DNER: variants seen among roughly 807,000 people sequenced by gnomAD.
DNER encodes the protein delta/notch like EGF repeat containing.
Under a neutral mutation model 78.2 loss-of-function variants are expected in DNER, and 33 were observed. That is an observed-to-expected ratio of 0.42 (90% CI 0.32 to 0.56). The LOEUF (loss-of-function observed/expected upper bound fraction) is 0.56. Among genes scored for constraint, DNER ranks in the 20% least tolerant of loss-of-function variants. The pLI, the probability that DNER is intolerant of heterozygous loss-of-function variation, is 0.11. For synonymous variants in DNER, 417 were observed against 384.8 expected, an observed-to-expected ratio of 1.08 and a Z score of -0.98; for missense variants, 918 against 975.3, an observed-to-expected ratio of 0.94 and a Z score of 0.78.
chr2:229,587,550 G>A (rs1697525885), intron 3 of DNER, among the ~76,000 whole-genome samples: 1 of 152,206 alleles, frequency 6.6e-6, no homozygotes, highest in South Asian at 2.1e-4. Flanking sequence ...GTGCCCGCAG[G>A]CCCCTTAAAA....
intron 6 of DNER, among the ~76,000 whole-genome samples, chr2:229,479,363 C>T (rs1310922989): frequency 6.6e-6 from 1 of 152,056 alleles, no homozygotes; most frequent in East Asian, 1.9e-4. Flanking sequence ...GGGAAAATAA[C>T]AGAAAATAAT....
At chr2:229,423,190 A>G (rs1693803113) in intron 8 of DNER, among the ~76,000 whole-genome samples, 1 of 152,200 alleles carries the variant, frequency 6.6e-6, no homozygotes. Context: ...TTCCTGCACA[A>G]CAAAGAATGC....
At chr2:229,492,776 C>T (rs924288127) in intron 6 of DNER, among the ~76,000 whole-genome samples, 1 of 152,180 alleles carries the variant, frequency 6.6e-6, no homozygotes, top group Non-Finnish European at 1.5e-5. Context: ...TCAAGCTAAC[C>T]TCCTGCGGCA....
chr2:229,539,325 G>A (rs1696469096), intron 5 of DNER, among the ~76,000 whole-genome samples: 1 of 152,134 alleles, frequency 6.6e-6, no homozygotes, highest in African/African-American at 2.4e-5. Context: ...AATCTGAAGG[G>A]GAGTTCACTG....
chr2:229,411,014 G>A (rs1046275297), intron 9 of DNER, among the ~76,000 whole-genome samples: 9 of 152,096 alleles, frequency 5.9e-5, no homozygotes, highest in Non-Finnish European at 8.8e-5. Context: ...TGACATCTCA[G>A]CCTTAGCCTC....
intron 9 of DNER, among the ~76,000 whole-genome samples, chr2:229,410,867 G>A (rs922435460): frequency 1.3e-5 from 2 of 152,204 alleles, no homozygotes; most frequent in African/African-American, 4.8e-5. Context: ...AGCCAGTAAA[G>A]AAGTGTTATT....
chr2:229,636,882 C>G (rs1698539850), intron 1 of DNER, among the ~76,000 whole-genome samples: 1 of 152,128 alleles, frequency 6.6e-6, no homozygotes, highest in South Asian at 2.1e-4. Flanking sequence ...TCCCACTGAC[C>G]AGAATGAAAC....
rs60981956 is a variant in DNER at position 229,415,335 on chromosome 2, C to T, written c.1609+2773G>A. Among the ~76,000 whole-genome samples, 808 of 152,312 alleles carry T rather than the reference C, an allele frequency of 5.3e-3. 10 individuals are homozygous for T. Among genetic ancestry groups the T allele is most frequent in the African/African-American group, 0.018 (764 of 41,570 alleles). On this transcript the variant is annotated intron_variant, in intron 9 of 12. Coordinates refer to ENST00000341772, the MANE Select transcript of DNER (RefSeq NM_139072.4). Reference sequence around the variant, plus strand: ...AGCTGATTTCTCACTATTCAAGCCTCAGATGAGAGCTCAGTCAGTCAATAC... The same window carrying T: ...AGCTGATTTCTCACTATTCAAGCCTTAGATGAGAGCTCAGTCAGTCAATAC...
Position 229,714,522 on chromosome 2 carries a change from G to A in DNER, c.-99C>T. 1 of 1,054,178 alleles carries A rather than the reference G, an allele frequency of 9.5e-7. No individual in the cohort carries two copies. The allele number at this position is 1,054,178 out of a possible 1,614,324, so 65.3% of individuals were successfully genotyped here. The stretch of plus-strand genomic sequence containing the variant: ...CTGCGAGAGCGACGGTGGCGGCTAG[G>A]GCTGCTCCGCCGGGCCGGGCGCCTC... On this transcript the variant is annotated 5_prime_UTR_variant, in exon 1 of 13. Coordinates refer to ENST00000341772, the MANE Select transcript of DNER (RefSeq NM_139072.4).
At chr2:229,484,681 C>A (rs1695234196) in intron 6 of DNER, among the ~76,000 whole-genome samples, 1 of 152,104 alleles carries the variant, frequency 6.6e-6, no homozygotes, top group African/African-American at 2.4e-5. Flanking sequence ...TGACTGGCAT[C>A]TAGTAGGTAG....
At chr2:229,566,601 A>G (rs1450524998) in intron 4 of DNER, among the ~76,000 whole-genome samples, 1 of 152,116 alleles carries the variant, frequency 6.6e-6, no homozygotes, top group Non-Finnish European at 1.5e-5. Flanking sequence ...CTCAGGCCTC[A>G]AGAAGCTCTC....
At chr2:229,403,578 G>C (rs1693315362) in intron 10 of DNER, among the ~76,000 whole-genome samples, 1 of 152,100 alleles carries the variant, frequency 6.6e-6, no homozygotes, top group Admixed American at 6.6e-5. Flanking sequence ...TCCTCTGTAG[G>C]CTGAAAAACT....
At chr2:229,658,987 G>A (rs1313014129) in intron 1 of DNER, among the ~76,000 whole-genome samples, 1 of 152,054 alleles carries the variant, frequency 6.6e-6, no homozygotes, top group Non-Finnish European at 1.5e-5. Context: ...AACGTATCAC[G>A]TCTCTACATC....
Position 229,585,917 on chromosome 2 carries a change from G to C in DNER, c.788C>G (p.Ala263Gly). Residue 263 changes from alanine (A) to glycine (G), a missense_variant, in exon 4 of 13, where the codon GCT becomes GGT. Ala to Gly is a moderately conservative substitution (Grantham distance 60). Coordinates refer to ENST00000341772, the MANE Select transcript of DNER (RefSeq NM_139072.4). ...IDGRSVTPLQASGGLVLLEEM... is the reference protein window; with the variant it reads ...IDGRSVTPLQGSGGLVLLEEM... ...CTCCAGGAGGACCAGTCCCCCTGAAGCCTGAAGGGGGGTCACACTTCGTCC... is the reference window on the plus strand; with the variant it reads ...CTCCAGGAGGACCAGTCCCCCTGAACCCTGAAGGGGGGTCACACTTCGTCC... 1.2e-6 allele frequency: 2 copies of C among 1,614,116 alleles called. No individual in the cohort carries two copies. Among genetic ancestry groups the C allele is most frequent in the African/African-American group, 1.3e-5 (1 of 75,022 alleles).
chr2:229,713,348 G>C (rs1017733274), intron 1 of DNER, among the ~76,000 whole-genome samples: 17 of 152,124 alleles, frequency 1.1e-4, no homozygotes, highest in Non-Finnish European at 1.0e-4. Flanking sequence ...CCAAATTCAC[G>C]GGCGGCTGCT....
chr2:229,538,598 T>C (rs1009569999), intron 5 of DNER, among the ~76,000 whole-genome samples: 3 of 152,154 alleles, frequency 2.0e-5, no homozygotes, highest in Non-Finnish European at 1.5e-5. Context: ...TAGTTAATGA[T>C]GATGTATACT....
rs1574829343 is a variant in DNER, at chr2:229,407,149, A to C, written c.1723+83T>G. On this transcript the variant is annotated intron_variant, in intron 10 of 12. Transcript: ENST00000341772. ...GTTTATATTTTGCAATATTTTATTC[A>C]TGATGGATTTGGGTTTTTTTAACAT... 1.1e-5 allele frequency: 13 copies of C among 1,206,260 alleles called. No individual in the cohort carries two copies. The South Asian group carries it at 1.6e-4, about 15-fold the overall frequency. The allele number at this position is 1,206,260 out of a possible 1,614,324, so 74.7% of individuals were successfully genotyped here.
chr2:229,508,275 T>C (rs1346461187), intron 6 of DNER, among the ~76,000 whole-genome samples: 4 of 152,194 alleles, frequency 2.6e-5, no homozygotes, highest in African/African-American at 9.7e-5. Flanking sequence ...CCTCCTATAA[T>C]TGGTCAATTA....
chr2:229,585,156 T>C (rs1305528336), intron 4 of DNER, among the ~76,000 whole-genome samples: 1 of 152,166 alleles, frequency 6.6e-6, no homozygotes, highest in Non-Finnish European at 1.5e-5. Flanking sequence ...CAAAATCAAC[T>C]GGGAACAAAG....
Sources: allele counts gnomAD v4.1 joint callset (sites outside exome capture counted in the v4.1 genomes callset), GRCh38; gene constraint gnomAD v4.1.1; transcripts MANE v1.5; gene names NCBI Gene and HGNC (gene_info 2026-07-23, HGNC 2026-07-21).